The following LRRTM4 variants were observed in gnomAD, a reference collection of about 807,000 sequenced individuals.
The protein encoded by LRRTM4 is leucine rich repeat transmembrane neuronal 4.
LRRTM4 carries 25 observed loss-of-function variants against 47.6 expected under a neutral mutation model. The ratio of observed to expected loss-of-function variants is 0.53; its 90% confidence interval spans 0.38 to 0.73. The LOEUF (loss-of-function observed/expected upper bound fraction) is 0.73, where lower values mean the gene tolerates loss of function less well. Ranked by LOEUF, LRRTM4 falls within the 30% of genes least tolerant of loss-of-function variation. The pLI is 0.00. For synonymous variants in LRRTM4, 311 were observed against 269.5 expected (o/e 1.15, Z -1.51); for missense variants, 638 against 713.4 (o/e 0.89, Z 1.20).
At chr2:76,776,441 A>T (rs1673997536) in intron 3 of LRRTM4, among the ~76,000 whole-genome samples, 1 of 152,076 alleles carries the variant, frequency 6.6e-6, no homozygotes, top group Non-Finnish European at 1.5e-5. Context: ...CTTTTGAAAG[A>T]TTGCCATTCT....
chr2:77,496,007 C>T (rs72811297), intron 3 of LRRTM4, among the ~76,000 whole-genome samples: 7,926 of 151,960 alleles, frequency 0.052, 258 homozygotes, highest in Middle Eastern at 0.1. Flanking sequence ...TTCCAATCCA[C>T]CTCACCCATT....
intron 3 of LRRTM4, among the ~76,000 whole-genome samples, chr2:77,075,943 A>AAAT (rs60802639): frequency 6.9e-6 from 1 of 144,238 alleles, no homozygotes; most frequent in Non-Finnish European, 1.5e-5. Context: ...AAAAAAAAAA[A>AAAT]TGGGATGAAG....
intron 3 of LRRTM4, among the ~76,000 whole-genome samples, chr2:76,849,912 A>G (rs78653457): frequency 0.013 from 2,048 of 152,250 alleles, 61 homozygotes; most frequent in African/African-American, 0.047. Context: ...TGTTTTCCAC[A>G]TGAAAAGAAA....
intron 3 of LRRTM4, among the ~76,000 whole-genome samples, chr2:76,814,683 G>C (rs188666855): frequency 2.6e-5 from 4 of 151,954 alleles, no homozygotes; most frequent in African/African-American, 9.6e-5. Flanking sequence ...TTTTATATAA[G>C]GGACTTGAGT....
intron 3 of LRRTM4, among the ~76,000 whole-genome samples, chr2:77,310,643 C>G (rs541869971): frequency 2.4e-4 from 37 of 152,106 alleles, no homozygotes; most frequent in Non-Finnish European, 4.4e-5. Flanking sequence ...CTCCTTCAAT[C>G]GAACATGAAA....
intron 3 of LRRTM4, among the ~76,000 whole-genome samples, chr2:77,514,069 C>CAT (rs3980203): frequency 0.016 from 2,353 of 151,738 alleles, 55 homozygotes; most frequent in Admixed American, 0.063. Context: ...CACACACACA[C>CAT]ATATATATAT....
intron 3 of LRRTM4, among the ~76,000 whole-genome samples, chr2:76,768,965 C>T (rs1206236449): frequency 1.3e-5 from 2 of 152,082 alleles, no homozygotes; most frequent in African/African-American, 4.8e-5. Context: ...TCTTGATGTA[C>T]ACATCACTCT....
chr2:76,978,493 T>C (rs1676492817), intron 3 of LRRTM4, among the ~76,000 whole-genome samples: 2 of 152,092 alleles, frequency 1.3e-5, no homozygotes, highest in African/African-American at 4.8e-5. Context: ...GCTCACTATA[T>C]AACCTCTAGC....
At chr2:76,982,011 A>C (rs1399566457) in intron 3 of LRRTM4, among the ~76,000 whole-genome samples, 1 of 152,068 alleles carries the variant, frequency 6.6e-6, no homozygotes, top group East Asian at 1.9e-4. Flanking sequence ...GGGGCTTATA[A>C]CAACTTAAAA....
At chr2:77,310,144 A>G (rs574927842) in intron 3 of LRRTM4, among the ~76,000 whole-genome samples, 1 of 152,180 alleles carries the variant, frequency 6.6e-6, no homozygotes, top group African/African-American at 2.4e-5. Flanking sequence ...ATAAAACTAT[A>G]TATGCTAAGC....
intron 3 of LRRTM4, among the ~76,000 whole-genome samples, chr2:76,807,443 T>TATATATAC (rs1340328428): frequency 6.0e-5 from 6 of 99,506 alleles, no homozygotes; most frequent in African/African-American, 3.0e-4. Context: ...TATACGTATA[T>TATATATAC]ACATATATAT....
intron 3 of LRRTM4, among the ~76,000 whole-genome samples, chr2:77,349,335 A>T (rs1264086220): frequency 1.5e-5 from 2 of 130,232 alleles, no homozygotes; most frequent in Non-Finnish European, 1.6e-5. Context: ...CAACAACAAT[A>T]AAAAAAAAAC....
Position 77,518,624 on chromosome 2 carries a change from T to A in LRRTM4, c.1245A>T (p.Gln415His). The A allele has an allele frequency of 6.2e-7, 1 of 1,613,416 alleles. No individual in the cohort carries two copies. Among genetic ancestry groups the A allele is most frequent in the Non-Finnish European group, 8.5e-7 (1 of 1,179,616 alleles). Residue 415 changes from glutamine to histidine, a missense_variant, in exon 3 of 4, where the codon CAA becomes CAT. Transcript: ENST00000409884. ...SPGFQIPGAE[Q>H]EYEHVSFHKI... ...TGTGAAATGAAACATGCTCATACTC[T>A]TGCTCTGCGCCAGGAATCTGAAACC...
At chr2:77,518,210 C>A in intron 3 of LRRTM4, 108 bp downstream of exon 3, 1 of 1,377,874 alleles carries the variant, frequency 7.3e-7, no homozygotes, top group South Asian at 2.0e-5. Context: ...AACCCAAAAG[C>A]AAAAGGGTCA....
intron 3 of LRRTM4, among the ~76,000 whole-genome samples, chr2:77,135,311 G>A (rs1482283001): frequency 6.6e-6 from 1 of 152,140 alleles, no homozygotes; most frequent in Non-Finnish European, 1.5e-5. Context: ...CTCCACTGAG[G>A]GACATTCATT....
At chr2:76,795,311 A>C (rs539295560) in intron 3 of LRRTM4, among the ~76,000 whole-genome samples, 9 of 152,300 alleles carry the variant, frequency 5.9e-5, no homozygotes, top group Non-Finnish European at 8.8e-5. Context: ...TTGTTTTGAA[A>C]TATATATGTA....
chr2:77,201,746 A>C (rs1354276297), intron 3 of LRRTM4, among the ~76,000 whole-genome samples: 7 of 152,140 alleles, frequency 4.6e-5, no homozygotes, highest in Non-Finnish European at 4.4e-5. Flanking sequence ...ATATTTAAAA[A>C]TCACAGCTTG....
At chr2:76,755,918 A>T (rs1013719429) in intron 3 of LRRTM4, among the ~76,000 whole-genome samples, 17 of 152,152 alleles carry the variant, frequency 1.1e-4, no homozygotes, top group African/African-American at 3.9e-4. Context: ...GCAAAACAGG[A>T]GGTCAGACAT....
intron 3 of LRRTM4, among the ~76,000 whole-genome samples, chr2:76,826,440 C>T (rs1488014305): frequency 6.6e-6 from 1 of 151,246 alleles, no homozygotes; most frequent in African/African-American, 2.4e-5. Flanking sequence ...TAAAGCTTGA[C>T]ACTATTAAGG....
Sources: gnomAD v4.1 joint callset for allele counts (sites outside exome capture counted in the v4.1 genomes callset) on GRCh38, gnomAD v4.1.1 for gene constraint, MANE v1.5 for transcripts, NCBI Gene and HGNC (gene_info 2026-07-23, HGNC 2026-07-21) for gene names.